The following SFXN4 variants were observed in gnomAD, a reference collection of about 807,000 sequenced individuals.
SFXN4 encodes sideroflexin 4.
In SFXN4, 48 loss-of-function variants were observed where a neutral mutation model predicts 54.6. That is an observed-to-expected ratio of 0.88 (90% CI 0.70 to 1.12). The LOEUF is 1.12. SFXN4 is among the 50% of genes most tolerant of loss of function. SFXN4 has a pLI of 0.00. For missense variants in SFXN4, 383 were observed against 409.2 expected, an observed-to-expected ratio of 0.94 and a Z score of 0.55; for synonymous variants, 130 against 145.5, an observed-to-expected ratio of 0.89 and a Z score of 0.77.
chr10:119,165,107 C>T (rs1348234378), intron 1 of SFXN4: 2 of 572,712 alleles, frequency 3.5e-6, no homozygotes, highest in East Asian at 1.4e-4. Flanking sequence ...GACGGTGCTG[C>T]CCTAGACGCT....
rs781161205 is a variant in SFXN4 at position 119,164,114 on chromosome 10, C to T, written c.177+17G>A. ...AAATAAAATGTGAAATTCATTAGCT[C>T]TGAAAACAATACTTACAACTGAAAT... On this transcript the variant is annotated intron_variant, in intron 2 of 13. Coordinates refer to ENST00000355697, the MANE Select transcript of SFXN4 (RefSeq NM_213649.2). 2 of 1,416,132 alleles carry T rather than the reference C, an allele frequency of 1.4e-6. No homozygotes were observed. The highest frequency in any genetic ancestry group is 4.0e-5 in the Admixed American group (2 of 50,374). 87.7% of individuals were successfully genotyped at this position (1,416,132 alleles called of 1,614,324 possible).
At chr10:119,144,227 C>T (rs6585535) in intron 13 of SFXN4, among the ~76,000 whole-genome samples, 81,925 of 151,920 alleles carry the variant, frequency 0.54, 22,304 homozygotes, top group East Asian at 0.64. Flanking sequence ...GAGGCCGAGG[C>T]GGGCGGATCA....
intron 9 of SFXN4, 90 bp downstream of exon 9, chr10:119,157,578 A>T: frequency 9.4e-7 from 1 of 1,066,516 alleles, no homozygotes; most frequent in Non-Finnish European, 1.4e-6. Context: ...TAAATTGTTT[A>T]AATTGGAACA....
In SFXN4 at chr10:119,141,309, C is replaced by T. The variant is rs777285398; in HGVS notation, c.947G>A (p.Cys316Tyr). 5 of 1,592,256 alleles carry T rather than the reference C, an allele frequency of 3.1e-6. No homozygotes were observed. Among genetic ancestry groups the T allele is most frequent in the Admixed American group, 3.4e-5 (2 of 59,494 alleles). The change falls in exon 14 of 14, where the codon TGT becomes TAT. Residue 316 changes from cysteine (C) to tyrosine (Y), a missense_variant. By Grantham distance (194) the Cys-to-Tyr change is radical (BLOSUM62 -2). Transcript: ENST00000355697. The stretch of plus-strand genomic sequence containing the variant: ...AGACTGAATTTTCTCTTCAAGACTA[C>T]AGTACTGTATCTGAAAAATAGTTAA... ...IFPQIGQIQYCSLEEKIQSPT... is the reference protein window; with the variant it reads ...IFPQIGQIQYYSLEEKIQSPT...
intron 9 of SFXN4, among the ~76,000 whole-genome samples, chr10:119,157,322 T>C (rs940641553): frequency 6.6e-6 from 1 of 150,876 alleles, no homozygotes; most frequent in African/African-American, 2.4e-5. Flanking sequence ...TCCCGGCTAC[T>C]CGGAAGGCTG....
At chr10:119,159,142 T>C (rs922168574) in intron 6 of SFXN4, among the ~76,000 whole-genome samples, 1 of 151,970 alleles carries the variant, frequency 6.6e-6, no homozygotes, top group Non-Finnish European at 1.5e-5. Flanking sequence ...TAGCTGGGTA[T>C]GGTGGTGAGC....
intron 2 of SFXN4, 133 bp from the exon 3 acceptor site, chr10:119,162,547 T>G: frequency 1.4e-6 from 1 of 694,128 alleles, no homozygotes; most frequent in Non-Finnish European, 2.5e-6. Context: ...AGCCACATGG[T>G]GCCCTAGGCT....
chr10:119,165,420 G>A, intron 1 of SFXN4, 117 bp downstream of exon 1: 1 of 1,341,636 alleles, frequency 7.5e-7, no homozygotes, highest in Non-Finnish European at 9.5e-7. Context: ...TCCGAGAGGA[G>A]GAAACGGAGA....
chr10:119,159,211 C>G (rs1847411829), intron 6 of SFXN4, among the ~76,000 whole-genome samples: 1 of 149,898 alleles, frequency 6.7e-6, no homozygotes, highest in South Asian at 2.1e-4. Context: ...ACGAGGGAGG[C>G]AGAGGTTGCA....
intron 13 of SFXN4, among the ~76,000 whole-genome samples, chr10:119,145,990 T>G (rs1846776614): frequency 6.6e-6 from 1 of 152,052 alleles, no homozygotes; most frequent in South Asian, 2.1e-4. Context: ...ACCCAGCTAA[T>G]TTGTGTATTA....
chr10:119,159,843 C>T, intron 5 of SFXN4, 90 bp from the exon 6 acceptor site: 1 of 1,369,726 alleles, frequency 7.3e-7, no homozygotes, highest in Non-Finnish European at 1.0e-6. Flanking sequence ...AACACCTCTT[C>T]CCCAGCTTCC....
At chr10:119,152,229 C>CCT (rs1847099421) in intron 11 of SFXN4, among the ~76,000 whole-genome samples, 3 of 16,618 alleles carry the variant, frequency 1.8e-4, no homozygotes, top group African/African-American at 3.1e-4. Context: ...CTCTTTCGGG[C>CCT]GTTTTTTTTT....
intron 13 of SFXN4, among the ~76,000 whole-genome samples, 188 bp from the exon 14 acceptor site, chr10:119,141,507 C>CTTTTT (rs1234472904): frequency 7.9e-5 from 9 of 113,350 alleles, no homozygotes; most frequent in Admixed American, 9.6e-5. Context: ...ACTTCTTAAA[C>CTTTTT]TTTTTTTTTT....
intron 6 of SFXN4, among the ~76,000 whole-genome samples, chr10:119,158,672 G>A (rs1847379191): frequency 6.7e-6 from 1 of 149,570 alleles, no homozygotes; most frequent in South Asian, 2.1e-4. Flanking sequence ...AAGCAGACAG[G>A]AGCCTGTGGT....
intron 9 of SFXN4, 43 bp downstream of exon 9, chr10:119,157,625 T>TTATTC (rs1847325240): frequency 6.9e-7 from 1 of 1,444,710 alleles, no homozygotes; most frequent in Non-Finnish European, 9.5e-7. Flanking sequence ...CTTCCTGGAT[T>TTATTC]CTGAGGAATA....
rs1485312477 is a variant in SFXN4 at position 119,155,075 on chromosome 10, A to G, written c.719T>C (p.Ile240Thr). ...CCTGTCTCTTACCTTTGTCCCAGCA[A>G]TTCTGGAATGACCCAGGACATTGCC... ...KEGNVLGHSR[I>T]AGTKAVRETL... The change falls in exon 11 of 14, where the codon ATT becomes ACT. Residue 240 changes from isoleucine to threonine, a missense_variant. By Grantham distance (89) the Ile-to-Thr change is moderately conservative (BLOSUM62 -1). Coordinates refer to ENST00000355697, the MANE Select transcript of SFXN4 (RefSeq NM_213649.2). The G allele has an allele frequency of 1.9e-6, 3 of 1,613,522 alleles. No individual in the cohort carries two copies. Among genetic ancestry groups the G allele is most frequent in the Admixed American group, 1.7e-5 (1 of 60,014 alleles).
intron 13 of SFXN4, among the ~76,000 whole-genome samples, chr10:119,142,780 G>A (rs1166348790): frequency 1.4e-5 from 2 of 138,376 alleles, no homozygotes; most frequent in African/African-American, 5.4e-5. Flanking sequence ...CGCCCAGACT[G>A]GAGTGCAGTG....
rs1194455120 is a variant in SFXN4, at chr10:119,165,578, A to G, written c.70T>C (p.Phe24Leu). The G allele has an allele frequency of 4.4e-6, 7 of 1,593,742 alleles. No individual in the cohort carries two copies. The highest frequency in any genetic ancestry group is 5.1e-6 in the Non-Finnish European group (6 of 1,171,770). Residue 24 changes from phenylalanine (F) to leucine (L), a missense_variant, in exon 1 of 14, where the codon TTC becomes CTC. Phe to Leu is a conservative substitution (Grantham distance 22). Transcript: ENST00000355697. ...CAGAAGCGCACGTTGGGCTCAATGA[A>G]GGCGGGGACGGCGTCTCTGCGTCCT... The part of the protein sequence containing the change: ...LLGRRDAVPA[F>L]IEPNVRFWIT...
intron 11 of SFXN4, among the ~76,000 whole-genome samples, chr10:119,150,889 C>A (rs914936436): frequency 1.3e-5 from 2 of 152,088 alleles, no homozygotes; most frequent in Admixed American, 6.6e-5. Context: ...CCACCGCCGG[C>A]AGAATAGATA....
Sources: allele counts gnomAD v4.1 joint callset (sites outside exome capture counted in the v4.1 genomes callset), GRCh38; gene constraint gnomAD v4.1.1; transcripts MANE v1.5; gene names NCBI Gene and HGNC (gene_info 2026-07-23, HGNC 2026-07-21).